KCNMA1: variants seen among roughly 807,000 people sequenced by gnomAD.
KCNMA1 encodes Calcium-activated potassium channel subunit alpha-1.
KCNMA1 carries 29 observed loss-of-function variants against 140.0 expected under a neutral mutation model. The observed-to-expected ratio is 0.21, with a 90% confidence interval of 0.15 to 0.28. The LOEUF (loss-of-function observed/expected upper bound fraction) is 0.28, where lower values mean the gene tolerates loss of function less well. Among genes scored for constraint, KCNMA1 ranks in the 10% least tolerant of loss-of-function variants. The pLI, the probability that KCNMA1 is intolerant of heterozygous loss-of-function variation, is 1.00. For synonymous variants in KCNMA1, 612 were observed against 611.9 expected, an observed-to-expected ratio of 1.00 and a Z score of 0.00; for missense variants, 880 against 1,602.2, an observed-to-expected ratio of 0.55 and a Z score of 7.70.
At chr10:77,357,661 A>C (rs1468103004) in intron 2 of KCNMA1, among the ~76,000 whole-genome samples, 1 of 152,204 alleles carries the variant, frequency 6.6e-6, no homozygotes, top group Admixed American at 6.5e-5. Flanking sequence ...GAGACGCAAT[A>C]ATTTAAATTA....
intron 2 of KCNMA1, among the ~76,000 whole-genome samples, chr10:77,328,196 G>T (rs137966317): frequency 3.3e-5 from 5 of 152,152 alleles, no homozygotes; most frequent in Non-Finnish European, 7.3e-5. Flanking sequence ...AGTACTTGGC[G>T]CACAGTAAGC....
At chr10:77,307,679 T>C (rs914657336) in intron 2 of KCNMA1, among the ~76,000 whole-genome samples, 11 of 152,138 alleles carry the variant, frequency 7.2e-5, no homozygotes, top group Admixed American at 4.6e-4. Context: ...CCCAAGTAGC[T>C]GGGACTACAG....
At chr10:77,285,000 C>T (rs1327694629) in intron 2 of KCNMA1, among the ~76,000 whole-genome samples, 2 of 152,086 alleles carry the variant, frequency 1.3e-5, no homozygotes, top group Admixed American at 6.5e-5. Flanking sequence ...CCTGTTCTCC[C>T]GAAACAGTCT....
chr10:77,260,968 GTGTGTATTTGTATGCACACAAACACGC>G (rs1221803781), intron 2 of KCNMA1, among the ~76,000 whole-genome samples: 1 of 152,182 alleles, frequency 6.6e-6, no homozygotes, highest in African/African-American at 2.4e-5. Flanking sequence ...GAATATATTT[GTGTGTATTTGTATGCACACAAACACGC>G]TGCAAGGGGC....
chr10:77,361,728 G>A (rs2093965411), intron 2 of KCNMA1, among the ~76,000 whole-genome samples: 2 of 152,262 alleles, frequency 1.3e-5, no homozygotes, highest in East Asian at 1.9e-4. Flanking sequence ...GCTCCAGTTG[G>A]GAGTGGCCCA....
At chr10:77,078,850 A>G (rs994594) in intron 13 of KCNMA1, among the ~76,000 whole-genome samples, 5,787 of 152,348 alleles carry the variant, frequency 0.038, 435 homozygotes, top group East Asian at 0.24. Context: ...TAACTTAAGT[A>G]TGGATGGGAT....
At chr10:77,412,311 G>A (rs1012165153) in intron 1 of KCNMA1, among the ~76,000 whole-genome samples, 2 of 152,178 alleles carry the variant, frequency 1.3e-5, no homozygotes, top group Non-Finnish European at 2.9e-5. Flanking sequence ...TTCATTGATG[G>A]ACTGCGCTCT....
intron 1 of KCNMA1, among the ~76,000 whole-genome samples, chr10:77,539,648 G>T (rs1281652305): frequency 6.6e-6 from 1 of 152,186 alleles, no homozygotes; most frequent in Admixed American, 6.5e-5. Flanking sequence ...AGCCACGGGT[G>T]AATTCCCAGC....
chr10:77,462,175 C>G (rs2097886750), intron 1 of KCNMA1, among the ~76,000 whole-genome samples: 1 of 152,056 alleles, frequency 6.6e-6, no homozygotes, highest in Non-Finnish European at 1.5e-5. Flanking sequence ...AACAGGCACA[C>G]AGACACATGC....
chr10:77,157,207 T>C (rs1382384202), intron 5 of KCNMA1, among the ~76,000 whole-genome samples: 1 of 152,130 alleles, frequency 6.6e-6, no homozygotes, highest in Non-Finnish European at 1.5e-5. Flanking sequence ...TATGGGAGGC[T>C]GAGGCAGGCG....
chr10:77,597,192 C>A lies in KCNMA1; in HGVS notation c.378+40073G>T, dbSNP rs564949010. Among the ~76,000 whole-genome samples the A allele has an allele frequency of 1.3e-4, 20 of 152,168 alleles. No individual in the cohort carries two copies. The East Asian group carries it at 3.7e-3, about 28-fold the overall frequency. ...GAGAATGATTGAAAAAATTATGGTA[C>A]CTCTATACCGTGAAAATTCTGTAAT... On this transcript the variant is annotated intron_variant, in intron 1 of 27. Coordinates refer to ENST00000286628, the MANE Select transcript of KCNMA1 (RefSeq NM_001161352.2).
chr10:77,050,979 G>GTC (rs1165367012), intron 14 of KCNMA1, among the ~76,000 whole-genome samples: 7 of 152,178 alleles, frequency 4.6e-5, no homozygotes, highest in Non-Finnish European at 1.0e-4. Flanking sequence ...TATCTACTTA[G>GTC]TCTCTCTCCA....
At chr10:77,041,481 G>A (rs1159463213) in intron 14 of KCNMA1, among the ~76,000 whole-genome samples, 9 of 148,614 alleles carry the variant, frequency 6.1e-5, no homozygotes, top group African/African-American at 1.3e-4. Context: ...TTGTATTTTT[G>A]GTAGAGACAG....
intron 1 of KCNMA1, among the ~76,000 whole-genome samples, chr10:77,554,623 G>GAAAGA (rs1346383271): frequency 7.3e-6 from 1 of 136,498 alleles, no homozygotes; most frequent in Non-Finnish European, 1.5e-5. Context: ...AAAAAAGAAA[G>GAAAGA]AAAGAAAAGA....
chr10:76,950,532 G>A (rs1019636228), intron 21 of KCNMA1, among the ~76,000 whole-genome samples: 1 of 152,194 alleles, frequency 6.6e-6, no homozygotes, highest in African/African-American at 2.4e-5. Flanking sequence ...ACCTTTCTCT[G>A]CCTCTCCTTC....
intron 2 of KCNMA1, among the ~76,000 whole-genome samples, chr10:77,276,645 C>G (rs1037516438): frequency 1.6e-4 from 24 of 152,108 alleles, no homozygotes; most frequent in African/African-American, 5.3e-4. Context: ...TGTTCATACA[C>G]AGATTGACCC....
intron 1 of KCNMA1, among the ~76,000 whole-genome samples, chr10:77,592,884 G>T (rs1237721665): frequency 6.6e-6 from 1 of 152,198 alleles, no homozygotes; most frequent in African/African-American, 2.4e-5. Flanking sequence ...GGAGTGGACA[G>T]TAAGAGAGAG....
intron 3 of KCNMA1, among the ~76,000 whole-genome samples, chr10:77,235,542 G>T (rs139694234): frequency 1.9e-4 from 29 of 152,288 alleles, no homozygotes; most frequent in Non-Finnish European, 3.8e-4. Context: ...CACCCACATG[G>T]CAAGCATACA....
chr10:77,580,597 T>G (rs1415894894), intron 1 of KCNMA1, among the ~76,000 whole-genome samples: 1 of 152,108 alleles, frequency 6.6e-6, no homozygotes, highest in Non-Finnish European at 1.5e-5. Context: ...CCACACACAC[T>G]TCTAGGAGGT....
Sources: allele counts gnomAD v4.1 joint callset (sites outside exome capture counted in the v4.1 genomes callset), GRCh38; gene constraint gnomAD v4.1.1; transcripts MANE v1.5; gene names NCBI Gene and HGNC (gene_info 2026-07-23, HGNC 2026-07-21).